CAPN14: variants seen among roughly 807,000 people sequenced by gnomAD.
The protein encoded by CAPN14 is calpain-14.
In CAPN14, 94 loss-of-function variants were observed where a neutral mutation model predicts 101.3. The ratio of observed to expected loss-of-function variants is 0.93; its 90% CI spans 0.79 to 1.10. The LOEUF (loss-of-function observed/expected upper bound fraction) is 1.10, where lower values mean the gene tolerates loss of function less well. Ranked by LOEUF, CAPN14 falls within the 50% of genes least tolerant of loss-of-function variation. The pLI, the probability that CAPN14 is intolerant of heterozygous loss-of-function variation, is 0.00. For synonymous variants in CAPN14, 338 were observed against 317.9 expected (o/e 1.06, Z -0.67); for missense variants, 837 against 828.4 (o/e 1.01, Z -0.13).
intron 1 of CAPN14, among the ~76,000 whole-genome samples, chr2:31,209,399 AG>A (rs897973828): frequency 2.6e-5 from 4 of 152,060 alleles, no homozygotes; most frequent in Admixed American, 2.6e-4. Flanking sequence ...TGATGGTGAG[AG>A]GTGTCAAATA....
In CAPN14 at chr2:31,190,354, G is replaced by T. The variant is rs183519439; in HGVS notation, c.1288-876C>A. On this transcript the variant is annotated intron_variant, in intron 12 of 21. Coordinates refer to ENST00000403897, the MANE Select transcript of CAPN14 (RefSeq NM_001145122.2). ...ATTTAGCAAATTCCTCAATGTTTGG[G>T]AAATAAAATACATATCCTGATGAGG... Among the ~76,000 whole-genome samples the T allele has an allele frequency of 2.0e-5, 3 of 152,208 alleles. No homozygotes were observed. The East Asian group carries it at 5.8e-4, about 29-fold the overall frequency.
chr2:31,179,826 A>G (rs1311210695), intron 17 of CAPN14, among the ~76,000 whole-genome samples: 1 of 152,086 alleles, frequency 6.6e-6, no homozygotes, highest in Admixed American at 6.6e-5. Context: ...GATGATGAGC[A>G]TTTTTTCATG....
chr2:31,182,995 T>C (rs1209881370), intron 16 of CAPN14, among the ~76,000 whole-genome samples: 1 of 151,988 alleles, frequency 6.6e-6, no homozygotes, highest in Non-Finnish European at 1.5e-5. Context: ...GAGATATAGA[T>C]CAATGGAACA....
rs73921565 is a variant in CAPN14 at position 31,181,054 on chromosome 2, C to G, written c.1646-54G>C. Reference sequence around the variant, plus strand: ...GGGCTGGCCCCAGGTCTGCACACCCCTTTTCTGAGCAGGAAGAGGCAGTGC... The same window carrying G: ...GGGCTGGCCCCAGGTCTGCACACCCGTTTTCTGAGCAGGAAGAGGCAGTGC... On this transcript the variant is annotated intron_variant, in intron 16 of 21. Coordinates refer to ENST00000403897, the MANE Select transcript of CAPN14 (RefSeq NM_001145122.2). The G allele has an allele frequency of 8.1e-4, 1,161 of 1,439,136 alleles. 9 individuals carry two copies. In the African/African-American group the frequency reaches 0.013, roughly 16 times the overall value. 89.1% of individuals were successfully genotyped at this position (1,439,136 alleles called of 1,614,324 possible). A position where few individuals can be genotyped will look rare whatever the true frequency, so the allele number is the denominator to read the frequency against.
At chr2:31,191,890 C>T (rs529744327) in intron 11 of CAPN14, 45 bp downstream of exon 11, 26 of 1,480,396 alleles carry the variant, frequency 1.8e-5, no homozygotes, top group Admixed American at 1.4e-4. Flanking sequence ...TGTTGGTGAC[C>T]CCCACGCTTG....
At chr2:31,188,674 A>G (rs1269571539) in intron 13 of CAPN14, among the ~76,000 whole-genome samples, 2 of 152,220 alleles carry the variant, frequency 1.3e-5, no homozygotes, top group Non-Finnish European at 2.9e-5. Context: ...AAAACAAACA[A>G]ACAAAACAAA....
At chr2:31,186,388 A>G in intron 16 of CAPN14, 40 bp downstream of exon 16, 5 of 1,439,492 alleles carry the variant, frequency 3.5e-6, no homozygotes, top group Non-Finnish European at 4.7e-6. Context: ...GAAAAGTTGC[A>G]TCCCCTCTGA....
intron 2 of CAPN14, among the ~76,000 whole-genome samples, chr2:31,223,858 A>G (rs1369278711): frequency 1.3e-5 from 2 of 152,150 alleles, no homozygotes; most frequent in East Asian, 3.8e-4. Context: ...GAGAATAATG[A>G]CATTTTGAGC....
At chr2:31,191,789 G>A (rs1181631658) in intron 11 of CAPN14, 146 bp downstream of exon 11, 5 of 738,080 alleles carry the variant, frequency 6.8e-6, no homozygotes, top group Non-Finnish European at 1.1e-5. Flanking sequence ...TAAATCACAT[G>A]TTCCTAAAGG....
intron 12 of CAPN14, among the ~76,000 whole-genome samples, chr2:31,190,310 C>T (rs1290772366): frequency 6.6e-6 from 1 of 152,154 alleles, no homozygotes; most frequent in Non-Finnish European, 1.5e-5. Flanking sequence ...AAAGACATCA[C>T]CCATCCAAAT....
intron 2 of CAPN14, among the ~76,000 whole-genome samples, chr2:31,222,710 C>G (rs1440162526): frequency 1.3e-5 from 2 of 152,136 alleles, no homozygotes; most frequent in Non-Finnish European, 2.9e-5. Context: ...CTTTTAACCC[C>G]TTGGACTAGG....
chr2:31,221,824 G>A (rs895008580), upstream of CAPN14, among the ~76,000 whole-genome samples: 1 of 152,126 alleles, frequency 6.6e-6, no homozygotes, highest in Non-Finnish European at 1.5e-5. Context: ...TGCGACTGAT[G>A]CCCAGAAGAT....
At chr2:31,179,063 TATATATATA>T (rs1164258248) in intron 17 of CAPN14, among the ~76,000 whole-genome samples, 2,318 of 138,120 alleles carry the variant, frequency 0.017, 58 homozygotes, top group African/African-American at 0.035. Context: ...TTGAGTTCTA[TATATATATA>T]TATATATATA....
chr2:31,220,409 C>G (rs1682826200), upstream of CAPN14, among the ~76,000 whole-genome samples: 1 of 152,198 alleles, frequency 6.6e-6, no homozygotes, highest in African/African-American at 2.4e-5. Flanking sequence ...TCTCCCTTTG[C>G]CAACATAAGA....
At position 31,187,803 on chromosome 2, in the gene CAPN14, G is replaced by A. The variant is rs1160091341; in HGVS notation, c.1542C>T (p.Asp514=). 5.2e-6 allele frequency: 8 copies of A among 1,551,080 alleles called. No homozygotes were observed. Among genetic ancestry groups the A allele is most frequent in the Non-Finnish European group, 7.0e-6 (8 of 1,146,308 alleles). The part of the protein sequence containing the change: ...SGVVFSKEIE[D]QNERQDEFFT... The stretch of plus-strand genomic sequence containing the variant: ...AGAATTCATCCTGCCTTTCATTTTG[G>A]TCTTCTATCTCCTATAGGAAGAGAC... The change falls in exon 15 of 22, where the codon GAC becomes GAT. Residue 514 remains aspartate, a synonymous_variant. Coordinates refer to ENST00000403897, the MANE Select transcript of CAPN14 (RefSeq NM_001145122.2).
intron 7 of CAPN14, among the ~76,000 whole-genome samples, 188 bp downstream of exon 7, chr2:31,199,282 T>G (rs1681631108): frequency 6.6e-6 from 1 of 152,086 alleles, no homozygotes; most frequent in South Asian, 2.1e-4. Context: ...GTTGGGATGA[T>G]GCATTGGTGG....
Position 31,190,137 on chromosome 2 carries a change from TTCTCTCTCTCTCTCTCTC to T in CAPN14, c.1288-677_1288-660del, listed in dbSNP as rs3031867. On this transcript the variant is annotated intron_variant, in intron 12 of 21. Coordinates refer to ENST00000403897, the MANE Select transcript of CAPN14 (RefSeq NM_001145122.2). ...GGGTATCTGCTTTATCTGATTCATA[TTCTCTCTCTCTCTCTCTC>T]TCTCTCTCTCTCTGCCTCCTTTGTT... is the stretch of plus-strand genomic sequence containing the variant. Among the ~76,000 whole-genome samples the T allele has an allele frequency of 8.4e-5, 12 of 142,770 alleles. 1 individual carries two copies. In the East Asian group the frequency reaches 2.1e-3, roughly 24 times the overall value. The allele number at this position is 142,770 out of a possible 152,430, so 93.7% of individuals were successfully genotyped here.
At chr2:31,214,967 A>T (rs1682574358) in intron 1 of CAPN14, among the ~76,000 whole-genome samples, 1 of 105,472 alleles carries the variant, frequency 9.5e-6, no homozygotes, top group Non-Finnish European at 2.1e-5. Flanking sequence ...CTGTTGGGGG[A>T]GCCCTGGGGC....
chr2:31,219,875 T>C (rs1332134900), upstream of CAPN14, among the ~76,000 whole-genome samples: 2 of 152,168 alleles, frequency 1.3e-5, no homozygotes, highest in African/African-American at 4.8e-5. Context: ...GAGCAAACAT[T>C]CAAAGGAGGT....
Sources: gnomAD v4.1 joint callset for allele counts (sites outside exome capture counted in the v4.1 genomes callset) on GRCh38, gnomAD v4.1.1 for gene constraint, MANE v1.5 for transcripts, NCBI Gene and HGNC (gene_info 2026-07-23, HGNC 2026-07-21) for gene names.